The following SOX5 variants were observed in gnomAD, a reference collection of about 807,000 sequenced individuals.
SOX5 encodes transcription factor SOX-5.
A neutral mutation model predicts 92.0 loss-of-function variants in SOX5; 9 were observed. That is an observed-to-expected ratio of 0.10 (90% CI 0.06 to 0.17). The LOEUF is 0.17. Ranked by LOEUF, SOX5 falls within the 10% of genes least tolerant of loss-of-function variation. The probability of loss-of-function intolerance (pLI) is 1.00; values close to 1 mark genes in which losing one functional copy is unlikely to be tolerated. For missense variants in SOX5, 642 were observed against 944.5 expected (o/e 0.68, Z 4.20); for synonymous variants, 344 against 336.3 (o/e 1.02, Z -0.25).
chr12:23,865,276 T>C (rs990546336), intron 2 of SOX5, among the ~76,000 whole-genome samples: 7 of 152,238 alleles, frequency 4.6e-5, no homozygotes, highest in African/African-American at 1.7e-4. Flanking sequence ...CTCTGCTGGA[T>C]ATGTACAGGG....
intron 3 of SOX5, among the ~76,000 whole-genome samples, chr12:24,273,352 A>G (rs192233308): frequency 1.5e-3 from 223 of 152,348 alleles, no homozygotes; most frequent in African/African-American, 5.3e-3. Flanking sequence ...ATTTTTGATT[A>G]CTGAATTAAA....
intron 1 of SOX5, among the ~76,000 whole-genome samples, chr12:24,494,872 T>C (rs918717791): frequency 2.6e-5 from 4 of 152,054 alleles, no homozygotes; most frequent in African/African-American, 4.8e-5. Flanking sequence ...AAATTGCTCA[T>C]AGAATTCAAC....
At chr12:24,435,542 A>G (rs1287297266) in intron 1 of SOX5, among the ~76,000 whole-genome samples, 1 of 152,256 alleles carries the variant, frequency 6.6e-6, no homozygotes, top group East Asian at 1.9e-4. Context: ...GGCAGGAAAG[A>G]CATGTCTAGC....
At position 23,696,538 on chromosome 12, in the gene SOX5, G is replaced by A. The variant is rs377572627; in HGVS notation, c.811-30974C>T. 7.8e-4 allele frequency among the ~76,000 whole-genome samples: 118 copies of A among 151,974 alleles called. 2 individuals carry two copies. In the South Asian group the frequency reaches 0.017, roughly 22 times the overall value. The stretch of plus-strand genomic sequence containing the variant: ...TGAATTGTCTAGCTAGAGGTTTATC[G>A]ATTTTATTAATACCAGAGAATAAAC... On this transcript the variant is annotated intron_variant, in intron 6 of 14. Coordinates refer to ENST00000451604, the MANE Select transcript of SOX5 (RefSeq NM_006940.6).
At chr12:24,319,730 T>G (rs1210226530) in intron 2 of SOX5, among the ~76,000 whole-genome samples, 3 of 152,240 alleles carry the variant, frequency 2.0e-5, no homozygotes, top group Non-Finnish European at 4.4e-5. Flanking sequence ...TGGTACGGTG[T>G]GCAAGACTTT....
At chr12:23,907,204 G>A (rs1270894560) in intron 1 of SOX5, among the ~76,000 whole-genome samples, 3 of 152,026 alleles carry the variant, frequency 2.0e-5, no homozygotes, top group East Asian at 1.9e-4. Context: ...GCACACGTGC[G>A]TGCAGAGAGA....
At chr12:24,089,966 T>C (rs1262312983) in intron 4 of SOX5, among the ~76,000 whole-genome samples, 1 of 152,178 alleles carries the variant, frequency 6.6e-6, no homozygotes, top group Admixed American at 6.5e-5. Flanking sequence ...AGCATGTAGG[T>C]ATTTTTTTCC....
intron 2 of SOX5, among the ~76,000 whole-genome samples, chr12:24,329,116 T>C (rs1327588966): frequency 6.6e-6 from 1 of 152,210 alleles, no homozygotes; most frequent in Non-Finnish European, 1.5e-5. Flanking sequence ...AGGTTTATAT[T>C]GTAAATAATG....
chr12:24,405,469 G>T (rs775138677), intron 1 of SOX5, among the ~76,000 whole-genome samples: 23 of 152,122 alleles, frequency 1.5e-4, no homozygotes, highest in Non-Finnish European at 3.1e-4. Flanking sequence ...AAAGCCTAAT[G>T]CCCCCTAGGA....
chr12:24,422,145 G>T (rs969873728), intron 1 of SOX5, among the ~76,000 whole-genome samples: 6 of 152,184 alleles, frequency 3.9e-5, no homozygotes, highest in African/African-American at 1.4e-4. Flanking sequence ...AATGCTTATT[G>T]TTCTTAATGA....
At chr12:24,156,373 TAATA>T (rs1317436563) in intron 4 of SOX5, among the ~76,000 whole-genome samples, 1 of 152,168 alleles carries the variant, frequency 6.6e-6, no homozygotes, top group African/African-American at 2.4e-5. Context: ...AGCACTTCCT[TAATA>T]AATAACAAGC....
chr12:24,066,971 A>T (rs760213971), intron 4 of SOX5, among the ~76,000 whole-genome samples: 1 of 152,204 alleles, frequency 6.6e-6, no homozygotes, highest in Non-Finnish European at 1.5e-5. Context: ...TTTCTGAGTC[A>T]TAACATCACT....
At chr12:23,814,234 T>A (rs1483863680) in intron 3 of SOX5, among the ~76,000 whole-genome samples, 2 of 152,204 alleles carry the variant, frequency 1.3e-5, no homozygotes, top group Non-Finnish European at 2.9e-5. Flanking sequence ...TCACATAACA[T>A]GTGCTGATCT....
chr12:23,549,202 A>G (rs969348011), intron 11 of SOX5, among the ~76,000 whole-genome samples: 1 of 152,052 alleles, frequency 6.6e-6, no homozygotes, highest in Non-Finnish European at 1.5e-5. Context: ...ATGGAACAAA[A>G]CAAGGACAGT....
intron 2 of SOX5, among the ~76,000 whole-genome samples, chr12:24,337,371 C>G (rs1952031691): frequency 6.8e-6 from 1 of 146,844 alleles, no homozygotes; most frequent in Non-Finnish European, 1.5e-5. Context: ...GAGAGAGTTT[C>G]ACTCTGTTGC....
At chr12:24,462,009 C>T (rs145232261) in intron 1 of SOX5, among the ~76,000 whole-genome samples, 26 of 152,260 alleles carry the variant, frequency 1.7e-4, no homozygotes, top group African/African-American at 5.3e-4. Flanking sequence ...CCATTCTTAC[C>T]GCACAGGATT....
chr12:24,528,423 T>C (rs538925038), intron 1 of SOX5, among the ~76,000 whole-genome samples: 3 of 152,356 alleles, frequency 2.0e-5, no homozygotes, highest in Non-Finnish European at 4.4e-5. Context: ...GGGTGATTGA[T>C]AACTATGAAA....
At chr12:24,137,605 C>T (rs1322094177) in intron 4 of SOX5, among the ~76,000 whole-genome samples, 3 of 152,110 alleles carry the variant, frequency 2.0e-5, no homozygotes, top group African/African-American at 7.2e-5. Context: ...GCAATCCTGC[C>T]TGGCGACAGA....
At chr12:24,485,073 T>C (rs1946380369) in intron 1 of SOX5, among the ~76,000 whole-genome samples, 1 of 152,050 alleles carries the variant, frequency 6.6e-6, no homozygotes, top group Non-Finnish European at 1.5e-5. Context: ...TATTTAGGTA[T>C]TAGGAAAATG....
Sources: gnomAD v4.1 joint callset for allele counts (sites outside exome capture counted in the v4.1 genomes callset) on GRCh38, gnomAD v4.1.1 for gene constraint, MANE v1.5 for transcripts, NCBI Gene and HGNC (gene_info 2026-07-23, HGNC 2026-07-21) for gene names.